ACOD1: variants seen among roughly 807,000 people sequenced by gnomAD.
ACOD1 encodes cis-aconitate decarboxylase.
A neutral mutation model predicts 14.2 loss-of-function variants in ACOD1; 14 were observed. That is an observed-to-expected ratio of 0.99 (90% CI 0.65 to 1.54). The LOEUF (loss-of-function observed/expected upper bound fraction) is 1.54. Among genes scored for constraint, ACOD1 ranks in the 40% most tolerant of loss-of-function variants. ACOD1 has a pLI of 0.00. For synonymous variants in ACOD1, 182 were observed against 221.7 expected (o/e 0.82, Z 1.59); for missense variants, 530 against 586.3 (o/e 0.90, Z 0.99).
In ACOD1 at chr13:76,952,644, T is replaced by A; in HGVS notation, c.168T>A (p.Tyr56Ter). 6.5e-7 allele frequency: 1 copy of A among 1,549,954 alleles called. No homozygotes were observed. ...TTEVFHIASQ[Y>*]SKIYSSNISS... ...AAGTGTTTCACATAGCCAGCCAATA[T>A]AGCAAGGTAAGAAGCTCAAGGTCTA... The change falls in exon 2 of 5, where the codon TAT becomes TAA. Residue 56 changes from tyrosine (Y) to a stop codon, truncating the protein, a stop_gained. Coordinates refer to ENST00000377462, the MANE Select transcript of ACOD1 (RefSeq NM_001258406.2). LOFTEE classifies it high-confidence loss of function.
chr13:76,950,237 T>A (rs2033809565), intron 1 of ACOD1, among the ~76,000 whole-genome samples: 1 of 152,122 alleles, frequency 6.6e-6, no homozygotes, highest in Admixed American at 6.6e-5. Flanking sequence ...AGCTAAGATT[T>A]AAAAATGAAG....
intron 1 of ACOD1, among the ~76,000 whole-genome samples, chr13:76,949,630 C>T (rs1331234003): frequency 6.6e-6 from 1 of 152,150 alleles, no homozygotes; most frequent in Non-Finnish European, 1.5e-5. Context: ...ACCTCCCCCA[C>T]TGCTCCCCAG....
At position 76,958,145 on chromosome 13, in the gene ACOD1, T is replaced by A; in HGVS notation, c.*160T>A. 1 of 680,074 alleles carries A rather than the reference T, an allele frequency of 1.5e-6. No homozygotes were observed. The highest frequency in any genetic ancestry group is 4.2e-4 in the Middle Eastern group (1 of 2,398). 42.1% of individuals were successfully genotyped at this position (680,074 alleles called of 1,614,324 possible). ...TCTGGAAGGAGCCTTCTCCTGAAAATTTTGCAGGACAGTTCCACTTACCTA... is the reference window on the plus strand; with the variant it reads ...TCTGGAAGGAGCCTTCTCCTGAAAAATTTGCAGGACAGTTCCACTTACCTA... On this transcript the variant is annotated 3_prime_UTR_variant, in exon 5 of 5. Coordinates refer to ENST00000377462, the MANE Select transcript of ACOD1 (RefSeq NM_001258406.2).
In ACOD1 at chr13:76,955,045, T is replaced by C. The variant is rs529176289; in HGVS notation, c.265-274T>C. On this transcript the variant is annotated intron_variant, in intron 3 of 4. Coordinates refer to ENST00000377462, the MANE Select transcript of ACOD1 (RefSeq NM_001258406.2). ...CAGAGGCTGAGGCAGGAGAATTGCT[T>C]GAACCCAGGAGGCAGAGGTTGCAGT... Among the ~76,000 whole-genome samples, 191 of 147,478 alleles carry C rather than the reference T, an allele frequency of 1.3e-3. 1 individual carries two copies. Among genetic ancestry groups the C allele is most frequent in the Non-Finnish European group, 1.9e-3 (126 of 67,606 alleles).
Position 76,957,241 on chromosome 13 carries a change from G to A in ACOD1, c.702G>A (p.Gln234=). 1.9e-6 allele frequency: 3 copies of A among 1,550,634 alleles called. No homozygotes were observed. Among genetic ancestry groups the A allele is most frequent in the South Asian group, 1.2e-5 (1 of 84,070 alleles). Residue 234 remains glutamine (Q), a synonymous_variant, in exon 5 of 5, where the codon CAG becomes CAA. Transcript: ENST00000377462. ...TGTTGGGTCTCCAAGGAAACAAGCA[G>A]GTCTTGGACTTGGAGGCAGGATTTG... ...LAMLGLQGNK[Q]VLDLEAGFGA...
chr13:76,955,396 T>G lies in ACOD1; in HGVS notation c.342T>G (p.Ala114=). Residue 114 remains alanine, a synonymous_variant, in exon 4 of 5, where the codon GCT becomes GCG. Transcript: ENST00000377462. ...GGGCTGTCCTTCCTGTCCTCACAGC[T>G]TTAGCAGAAGCCCTGCCAAGGAGTC... ...PSGAVLPVLT[A]LAEALPRSPK... The G allele has an allele frequency of 6.4e-7, 1 of 1,550,666 alleles. No homozygotes were observed.
At chr13:76,956,804 C>T (rs1372343066) in intron 4 of ACOD1, among the ~76,000 whole-genome samples, 2 of 152,202 alleles carry the variant, frequency 1.3e-5, no homozygotes, top group East Asian at 1.9e-4. Flanking sequence ...TGAACCACCA[C>T]ACCTCGCCTA....
chr13:76,956,212 T>C (rs1261462379), intron 4 of ACOD1, among the ~76,000 whole-genome samples: 2 of 152,214 alleles, frequency 1.3e-5, no homozygotes, highest in Non-Finnish European at 2.9e-5. Context: ...CCATTTTATT[T>C]TATTTTTTGA....
chr13:76,951,707 A>G (rs1266856286), intron 1 of ACOD1, among the ~76,000 whole-genome samples: 2 of 152,208 alleles, frequency 1.3e-5, no homozygotes, highest in Non-Finnish European at 2.9e-5. Context: ...AGTAGCTGCC[A>G]TATTGTACGT....
In ACOD1 at chr13:76,948,516, T is replaced by C. The variant is rs1430538179; in HGVS notation, c.-43T>C. 1.3e-5 allele frequency: 20 copies of C among 1,537,570 alleles called. No homozygotes were observed. In the Admixed American group the frequency reaches 3.6e-4, roughly 28 times the overall value. ...AGACATCCAGCAAACAAATTACTCC[T>C]CTGGTTCACTCCTCCTGAACTGAAC... On this transcript the variant is annotated 5_prime_UTR_variant, in exon 1 of 5. Coordinates refer to ENST00000377462, the MANE Select transcript of ACOD1 (RefSeq NM_001258406.2).
At chr13:76,956,818 C>T (rs531611403) in intron 4 of ACOD1, among the ~76,000 whole-genome samples, 192 bp from the exon 5 acceptor site, 1 of 152,272 alleles carries the variant, frequency 6.6e-6, no homozygotes, top group South Asian at 2.1e-4. Flanking sequence ...TCGCCTATCA[C>T]CATTTTGTGT....
chr13:76,955,168 A>T (rs2033862528), intron 3 of ACOD1, 151 bp from the exon 4 acceptor site: 1 of 593,162 alleles, frequency 1.7e-6, no homozygotes, highest in South Asian at 2.5e-5. Flanking sequence ...AAAATCACAG[A>T]CATTTCTCAG....
intron 1 of ACOD1, among the ~76,000 whole-genome samples, chr13:76,950,429 G>C (rs945901060): frequency 6.6e-6 from 1 of 152,172 alleles, no homozygotes; most frequent in African/African-American, 2.4e-5. Context: ...CAAAATAACA[G>C]TCTACATATT....
rs779843666 is a variant in ACOD1, at chr13:76,955,524, G to C, written c.470G>C (p.Arg157Thr). 4.5e-6 allele frequency: 7 copies of C among 1,549,946 alleles called. No individual in the cohort carries two copies. The highest frequency in any genetic ancestry group is 6.1e-6 in the Non-Finnish European group (7 of 1,146,576). ...FAKEANDMPK[R>T]FHPPSVVGTL... ...AAGGAGGCCAATGACATGCCAAAGA[G>C]GTATGGAGAGAATTTGCCCCATCAA... is the stretch of plus-strand genomic sequence containing the variant. Residue 157 changes from arginine (R) to threonine (T), a missense_variant and splice_region_variant, in exon 4 of 5, where the codon AGA becomes ACA. By Grantham distance (71) the Arg-to-Thr change is moderately conservative (BLOSUM62 -1). Coordinates refer to ENST00000377462, the MANE Select transcript of ACOD1 (RefSeq NM_001258406.2).
In ACOD1 at chr13:76,952,593, T is replaced by A; in HGVS notation, c.117T>A (p.Gly39=). 6.4e-7 allele frequency: 1 copy of A among 1,550,542 alleles called. No individual in the cohort carries two copies. The highest frequency in any genetic ancestry group is 8.7e-7 in the Non-Finnish European group (1 of 1,146,990). The change falls in exon 2 of 5, where the codon GGT becomes GGA. Residue 39 remains glycine, a synonymous_variant. Transcript: ENST00000377462. ...RSKRMILDTL[G]AGFLGTTTEV... ...AGAGGATGATTCTAGACACTCTGGG[T>A]GCTGGGTTCCTGGGAACCACTACGG...
rs761657113 is a variant in ACOD1, at chr13:76,958,131, C to A, written c.*146C>A. On this transcript the variant is annotated 3_prime_UTR_variant, in exon 5 of 5. Coordinates refer to ENST00000377462, the MANE Select transcript of ACOD1 (RefSeq NM_001258406.2). ...CAGAACTACATATATCTGGAAGGAG[C>A]CTTCTCCTGAAAATTTTGCAGGACA... The A allele has an allele frequency of 7.8e-6, 6 of 767,154 alleles. No homozygotes were observed. The highest frequency in any genetic ancestry group is 3.5e-5 in the African/African-American group (2 of 56,676). 47.5% of individuals were successfully genotyped at this position (767,154 alleles called of 1,614,324 possible).
Position 76,957,434 on chromosome 13 carries a change from G to A in ACOD1, c.895G>A (p.Ala299Thr). The change falls in exon 5 of 5, where the codon GCC (alanine) becomes ACC (threonine). Residue 299 changes from alanine (A) to threonine (T), a missense_variant. Physicochemically the swap from Ala to Thr is moderately conservative, Grantham distance 58. Coordinates refer to ENST00000377462, the MANE Select transcript of ACOD1 (RefSeq NM_001258406.2). ...SVRKHLVAER[A>T]LLPTDYIKRI... ...GAGAAAGCACCTTGTAGCAGAGAGA[G>A]CCCTGCTTCCAACTGACTACATTAA... The A allele has an allele frequency of 6.4e-7, 1 of 1,550,572 alleles. No homozygotes were observed. The highest frequency in any genetic ancestry group is 8.7e-7 in the Non-Finnish European group (1 of 1,146,942).
In ACOD1 at chr13:76,957,658, C is replaced by T. The variant is rs2033893559; in HGVS notation, c.1119C>T (p.Tyr373=). The T allele has an allele frequency of 1.3e-6, 2 of 1,550,452 alleles. No homozygotes were observed. The highest frequency in any genetic ancestry group is 8.7e-7 in the Non-Finnish European group (1 of 1,147,008). ...RELLSKVELE[Y]PPDNLPSFNI... The stretch of plus-strand genomic sequence containing the variant: ...TGCTCAGTAAGGTGGAGCTGGAGTA[C>T]CCTCCGGACAACTTGCCAAGCTTCA... The change falls in exon 5 of 5, where the codon TAC becomes TAT. Residue 373 remains tyrosine, a synonymous_variant. Transcript: ENST00000377462.
intron 1 of ACOD1, 91 bp downstream of exon 1, chr13:76,948,661 A>G (rs1432435060): frequency 2.9e-6 from 3 of 1,044,152 alleles, no homozygotes; most frequent in Non-Finnish European, 4.3e-6. Flanking sequence ...TCCTTTTAAG[A>G]ACTACCTGCT....
Sources: allele counts gnomAD v4.1 joint callset (sites outside exome capture counted in the v4.1 genomes callset), GRCh38; gene constraint gnomAD v4.1.1; transcripts MANE v1.5; gene names NCBI Gene and HGNC (gene_info 2026-07-23, HGNC 2026-07-21).